The following DHRS7B variants were observed in gnomAD, a reference collection of about 807,000 sequenced individuals.
The protein encoded by DHRS7B is dehydrogenase/reductase 7B.
DHRS7B carries 24 observed loss-of-function variants against 26.4 expected under a neutral mutation model. The observed-to-expected ratio is 0.91, with a 90% CI of 0.66 to 1.28. The LOEUF (loss-of-function observed/expected upper bound fraction) is 1.28. Ranked by LOEUF, DHRS7B falls within the 50% of genes most tolerant of loss-of-function variation. The probability of loss-of-function intolerance (pLI) is 0.00; values close to 1 mark genes in which losing one functional copy is unlikely to be tolerated. For synonymous variants in DHRS7B, 142 were observed against 166.4 expected, an observed-to-expected ratio of 0.85 and a Z score of 1.13; for missense variants, 368 against 419.4, an observed-to-expected ratio of 0.88 and a Z score of 1.07.
intron 5 of DHRS7B, among the ~76,000 whole-genome samples, chr17:21,187,676 A>G (rs1160077741): frequency 6.6e-6 from 1 of 151,476 alleles, no homozygotes; most frequent in East Asian, 1.9e-4. Flanking sequence ...CCAAAATAGA[A>G]TTAAACAAAA....
At chr17:21,173,872 C>T (rs1030798971) in intron 2 of DHRS7B, among the ~76,000 whole-genome samples, 4 of 152,126 alleles carry the variant, frequency 2.6e-5, no homozygotes, top group African/African-American at 4.8e-5. Context: ...AGCTCTGAGT[C>T]GCAAGTGCTC....
At chr17:21,140,454 A>G (rs1973472539) in intron 1 of DHRS7B, among the ~76,000 whole-genome samples, 2 of 148,216 alleles carry the variant, frequency 1.3e-5, no homozygotes, top group Admixed American at 1.4e-4. Flanking sequence ...AGTTTGGGTT[A>G]TAGAAATTTT....
rs1189941213 is a variant in DHRS7B, at chr17:21,138,210, T to C, written c.20+11219T>C. ...TTTGTCTTGAACATCCATCCCTCCT[T>C]CTTTTTTTTTTTTTTTTTTTTTTTG... On this transcript the variant is annotated intron_variant, in intron 1 of 6. Transcript: ENST00000395511. 5.2e-5 allele frequency among the ~76,000 whole-genome samples: 6 copies of C among 115,484 alleles called. 1 individual carries two copies. The highest frequency in any genetic ancestry group is 8.8e-5 in the Admixed American group (1 of 11,372). 75.8% of individuals were successfully genotyped at this position (115,484 alleles called of 152,430 possible).
chr17:21,155,381 T>C (rs1013112495), intron 1 of DHRS7B, among the ~76,000 whole-genome samples: 3 of 152,196 alleles, frequency 2.0e-5, no homozygotes, highest in Non-Finnish European at 4.4e-5. Context: ...CAAGGAAAGT[T>C]ATCAGGGTTA....
chr17:21,132,582 G>T (rs1294794603), intron 1 of DHRS7B, among the ~76,000 whole-genome samples: 1 of 145,300 alleles, frequency 6.9e-6, no homozygotes, highest in East Asian at 2.0e-4. Flanking sequence ...GGTGTAGAAA[G>T]AGCTAGATTG....
intron 1 of DHRS7B, among the ~76,000 whole-genome samples, chr17:21,151,844 T>C (rs1238511105): frequency 6.6e-6 from 1 of 152,198 alleles, no homozygotes; most frequent in African/African-American, 2.4e-5. Flanking sequence ...AGATGGGGTA[T>C]GGTGGAAGGT....
intron 1 of DHRS7B, among the ~76,000 whole-genome samples, chr17:21,147,879 A>T (rs1973675622): frequency 6.6e-6 from 1 of 152,060 alleles, no homozygotes; most frequent in Admixed American, 6.5e-5. Flanking sequence ...ACACTGTAGG[A>T]GGTTTCACCT....
chr17:21,170,356 C>G (rs187171065), intron 1 of DHRS7B, among the ~76,000 whole-genome samples: 1 of 152,326 alleles, frequency 6.6e-6, no homozygotes, highest in East Asian at 1.9e-4. Flanking sequence ...CCAGCATAGC[C>G]TGCAGGCAAG....
chr17:21,126,990 A>T lies in DHRS7B; in HGVS notation c.19A>T (p.Arg7Trp). Residue 7 changes from arginine (R) to tryptophan (W), a missense_variant and splice_region_variant, in exon 1 of 7, where the codon AGG becomes TGG. Arg to Trp is a moderately radical substitution (Grantham distance 101). Transcript: ENST00000395511. MVSPAT[R>W]KSLPKVKAMD... The stretch of plus-strand genomic sequence containing the variant: ...ATTGACTATGGTCTCTCCGGCTACC[A>T]GGTAGGGGCTGGGGAAGAAGGAACC... The T allele has an allele frequency of 6.5e-7, 1 of 1,529,344 alleles. No individual in the cohort carries two copies. Among genetic ancestry groups the T allele is most frequent in the Non-Finnish European group, 8.8e-7 (1 of 1,138,162 alleles). The allele number at this position is 1,529,344 out of a possible 1,614,324, so 94.7% of individuals were successfully genotyped here. A position where few individuals can be genotyped will look rare whatever the true frequency, so the allele number is the denominator to read the frequency against.
At chr17:21,138,065 T>TAAA (rs1567616007) in intron 1 of DHRS7B, among the ~76,000 whole-genome samples, 3 of 10,230 alleles carry the variant, frequency 2.9e-4, no homozygotes, top group African/African-American at 8.9e-4. Flanking sequence ...CCGGCCTCTT[T>TAAA]TAAAAAAAAA....
intron 1 of DHRS7B, among the ~76,000 whole-genome samples, chr17:21,167,219 T>C (rs1479279370): frequency 2.0e-5 from 3 of 152,140 alleles, no homozygotes; most frequent in African/African-American, 4.8e-5. Flanking sequence ...CACAAATGGA[T>C]GTGAGGGAGT....
intron 1 of DHRS7B, among the ~76,000 whole-genome samples, chr17:21,138,097 T>TACACACAC (rs1342290821): frequency 0.04 from 3,525 of 87,280 alleles, 90 homozygotes; most frequent in Admixed American, 0.047. Flanking sequence ...TATATATATA[T>TACACACAC]ATATACACAC....
At chr17:21,177,066 G>A (rs1020318197) in intron 2 of DHRS7B, among the ~76,000 whole-genome samples, 2 of 152,086 alleles carry the variant, frequency 1.3e-5, no homozygotes, top group African/African-American at 2.4e-5. Flanking sequence ...ACCCTGCTGC[G>A]TCCAGGGGGT....
intron 1 of DHRS7B, among the ~76,000 whole-genome samples, chr17:21,139,180 T>G (rs1033959111): frequency 2.6e-5 from 4 of 152,238 alleles, no homozygotes; most frequent in Non-Finnish European, 5.9e-5. Flanking sequence ...GCCTGTGGAC[T>G]AGACTGCCTA....
At chr17:21,147,688 T>C (rs1973671784) in intron 1 of DHRS7B, among the ~76,000 whole-genome samples, 1 of 152,184 alleles carries the variant, frequency 6.6e-6, no homozygotes, top group African/African-American at 2.4e-5. Context: ...TTGGATTCCC[T>C]AGCAGGAGAC....
intron 2 of DHRS7B, 38 bp downstream of exon 2, chr17:21,172,234 A>G: frequency 1.3e-6 from 2 of 1,580,424 alleles, no homozygotes; most frequent in South Asian, 2.3e-5. Flanking sequence ...GGGCGGGGGT[A>G]AGTCAGCCAG....
intron 1 of DHRS7B, among the ~76,000 whole-genome samples, chr17:21,141,848 T>C (rs9911816): frequency 0.043 from 6,574 of 152,202 alleles, 180 homozygotes; most frequent in South Asian, 0.073. Context: ...CAAATCGTCC[T>C]ATTGGTTTGT....
chr17:21,188,736 G>C lies in DHRS7B; in HGVS notation c.645G>C (p.Gln215His), dbSNP rs1299288058. 1.2e-6 allele frequency: 2 copies of C among 1,605,478 alleles called. No homozygotes were observed. Among genetic ancestry groups the C allele is most frequent in the Non-Finnish European group, 1.7e-6 (2 of 1,175,712 alleles). The change falls in exon 6 of 7, where the codon CAG becomes CAC. Residue 215 changes from glutamine to histidine, a missense_variant. Transcript: ENST00000395511. ...ATGCAGCCTCCAAGCACGCAACCCA[G>C]GCTTTCTTTGACTGTCTGCGTGCCG... ...SAYAASKHAT[Q>H]AFFDCLRAEM...
intron 1 of DHRS7B, among the ~76,000 whole-genome samples, chr17:21,132,348 A>AAAATATAT (rs1491147235): frequency 5.6e-5 from 7 of 125,048 alleles, no homozygotes; most frequent in African/African-American, 2.0e-4. Flanking sequence ...AAAAAAAAAA[A>AAAATATAT]ATATATATAT....
Sources: gnomAD v4.1 joint callset for allele counts (sites outside exome capture counted in the v4.1 genomes callset) on GRCh38, gnomAD v4.1.1 for gene constraint, MANE v1.5 for transcripts, NCBI Gene and HGNC (gene_info 2026-07-23, HGNC 2026-07-21) for gene names.